PCDHA5: variants seen among roughly 807,000 people sequenced by gnomAD.
PCDHA5 encodes the protein protocadherin alpha 5.
Under a neutral mutation model 61.6 loss-of-function variants are expected in PCDHA5, and 43 were observed. The observed-to-expected ratio is 0.70, with a 90% CI of 0.55 to 0.90. The LOEUF is 0.90. Among genes scored for constraint, PCDHA5 ranks in the 40% least tolerant of loss-of-function variants. PCDHA5 has a pLI of 0.00. For missense variants in PCDHA5, 1,298 were observed against 1,222.7 expected, an observed-to-expected ratio of 1.06 and a Z score of -0.92; for synonymous variants, 627 against 543.9, an observed-to-expected ratio of 1.15 and a Z score of -2.13.
At chr5:140,956,038 A>T in intron 1 of PCDHA5, among the ~76,000 whole-genome samples, 1 of 152,182 alleles carries the variant, frequency 6.6e-6, no homozygotes, top group South Asian at 2.1e-4. Flanking sequence ...CAGCTTAAGA[A>T]GCTTTTGGGC....
rs2150408598 is a variant in PCDHA5, at chr5:140,848,320, T to A, written c.2352+24193T>A. The A allele has an allele frequency of 6.9e-5, 53 of 763,546 alleles. 1 individual carries two copies. The highest frequency in any genetic ancestry group is 1.0e-4 in the Non-Finnish European group (48 of 466,870). 47.3% of individuals were successfully genotyped at this position (763,546 alleles called of 1,614,324 possible). A position where few individuals can be genotyped will look rare whatever the true frequency, so the allele number is the denominator to read the frequency against. ...CGTGATGTCACTCTTTGCCGCGATG[T>A]TCTCTCTGAATCCAGACAAATACAG... is the stretch of plus-strand genomic sequence containing the variant. On this transcript the variant is annotated intron_variant, in intron 1 of 3. Transcript: ENST00000529859.
chr5:140,874,607 T>C (rs534439802), intron 1 of PCDHA5, among the ~76,000 whole-genome samples: 1 of 152,226 alleles, frequency 6.6e-6, no homozygotes, highest in Non-Finnish European at 1.5e-5. Context: ...TTTGGAGGCT[T>C]CAACTAAACA....
At chr5:140,895,292 C>A (rs1032250917) in intron 1 of PCDHA5, among the ~76,000 whole-genome samples, 2 of 152,044 alleles carry the variant, frequency 1.3e-5, no homozygotes. Context: ...TTAGGACCTT[C>A]GATTTCCCCC....
chr5:140,928,570 C>G, intron 1 of PCDHA5: 1 of 1,614,196 alleles, frequency 6.2e-7, no homozygotes, highest in Non-Finnish European at 8.5e-7. Flanking sequence ...GTTTCCCTTG[C>G]CCAGAAATGG....
At position 141,009,636 on chromosome 5, in the gene PCDHA5, C is replaced by T. The variant is rs782321757; in HGVS notation, c.2510C>T (p.Ala837Val). ...ATGTTTTGTCTTTCAGAACCAGAGG[C>T]AGGAGAAGTGTCCCCTCCAGTCGGT... ...TVSSATPEPE[A>V]GEVSPPVGAG... Residue 837 changes from alanine (A) to valine (V), a missense_variant, in exon 4 of 4, where the codon GCA becomes GTA. Physicochemically the swap from Ala to Val is moderately conservative, Grantham distance 64. Transcript: ENST00000529859. 3.7e-6 allele frequency: 6 copies of T among 1,613,192 alleles called. No homozygotes were observed. Among genetic ancestry groups the T allele is most frequent in the Non-Finnish European group, 4.2e-6 (5 of 1,179,532 alleles).
chr5:140,836,387 G>A lies in PCDHA5; in HGVS notation c.2352+12260G>A, dbSNP rs1435398883. The A allele has an allele frequency of 6.2e-6, 10 of 1,613,630 alleles. 1 individual carries two copies. The highest frequency in any genetic ancestry group is 7.6e-6 in the Non-Finnish European group (9 of 1,179,846). On this transcript the variant is annotated intron_variant, in intron 1 of 3. Transcript: ENST00000529859. Reference sequence around the variant, plus strand: ...CAGCCACAGCCACCGTGCTGGTGTCGCTGGTGGAAAGCGGCCAGGCACCAA... The same window carrying A: ...CAGCCACAGCCACCGTGCTGGTGTCACTGGTGGAAAGCGGCCAGGCACCAA...
In PCDHA5 at chr5:140,823,940, G is replaced by A; in HGVS notation, c.2165G>A (p.Cys722Tyr). Residue 722 changes from cysteine (C) to tyrosine (Y), a missense_variant, in exon 1 of 4, where the codon TGC becomes TAC. By Grantham distance (194) the Cys-to-Tyr change is radical. Coordinates refer to ENST00000529859, the MANE Select transcript of PCDHA5 (RefSeq NM_018908.3). The part of the protein sequence containing the change: ...LTLLLYTALR[C>Y]SAQPTEAVCT... Reference sequence around the variant, plus strand: ...CTGCTGCTGTACACCGCGCTGCGGTGCTCGGCGCAGCCCACCGAGGCCGTG... The same window carrying A: ...CTGCTGCTGTACACCGCGCTGCGGTACTCGGCGCAGCCCACCGAGGCCGTG... The A allele has an allele frequency of 6.2e-7, 1 of 1,613,966 alleles. No homozygotes were observed. Among genetic ancestry groups the A allele is most frequent in the South Asian group, 1.1e-5 (1 of 91,052 alleles).
chr5:141,008,597 C>T (rs1485271666), intron 3 of PCDHA5, among the ~76,000 whole-genome samples: 1 of 152,224 alleles, frequency 6.6e-6, no homozygotes, highest in East Asian at 1.9e-4. Flanking sequence ...GATTTCACCT[C>T]CTCTGGAACC....
At chr5:141,002,550 G>A (rs1458455103) in intron 3 of PCDHA5, among the ~76,000 whole-genome samples, 1 of 152,186 alleles carries the variant, frequency 6.6e-6, no homozygotes, top group African/African-American at 2.4e-5. Context: ...TGAGTCCCAG[G>A]ATCCACCAGT....
rs547873702 is a variant in PCDHA5 at position 140,879,516 on chromosome 5, T to C, written c.2352+55389T>C. 3.3e-5 allele frequency among the ~76,000 whole-genome samples: 5 copies of C among 152,322 alleles called. No homozygotes were observed. The East Asian group carries it at 7.7e-4, about 23-fold the overall frequency. On this transcript the variant is annotated intron_variant, in intron 1 of 3. Transcript: ENST00000529859. The stretch of plus-strand genomic sequence containing the variant: ...TGGATCTCAGAAGAGATTATTGATA[T>C]AGATTTTGGGAACAACTCCTTTAGA...
At chr5:140,851,088 A>G in intron 1 of PCDHA5, 2 of 1,298,258 alleles carry the variant, frequency 1.5e-6, no homozygotes, top group Non-Finnish European at 2.0e-6. Flanking sequence ...TGTATATTAA[A>G]TAGATATTTT....
At chr5:140,921,060 A>T (rs543644748) in intron 1 of PCDHA5, among the ~76,000 whole-genome samples, 11 of 152,040 alleles carry the variant, frequency 7.2e-5, no homozygotes, top group African/African-American at 2.7e-4. Flanking sequence ...GCTCACTCTA[A>T]CCTTGAACTC....
chr5:140,870,658 C>G, intron 1 of PCDHA5: 3 of 1,612,534 alleles, frequency 1.9e-6, no homozygotes, highest in Non-Finnish European at 2.5e-6. Context: ...GGTGTACGCG[C>G]TGCAGCCGTT....
At chr5:140,877,258 G>A in intron 1 of PCDHA5, 1 of 1,613,780 alleles carries the variant, frequency 6.2e-7, no homozygotes, top group South Asian at 1.1e-5. Flanking sequence ...GAAAGTGCGC[G>A]CGGTGGACGC....
rs781878255 is a variant in PCDHA5 at position 140,856,536 on chromosome 5, A to G, written c.2352+32409A>G. 8.1e-6 allele frequency: 13 copies of G among 1,598,388 alleles called. 1 individual carries two copies. The East Asian group carries it at 2.2e-4, about 27-fold the overall frequency. ...GGCGCATCTGATGCGGATGTTGGAG[A>G]GAACGCATTGCTTACTTACAAACTC... is the stretch of plus-strand genomic sequence containing the variant. On this transcript the variant is annotated intron_variant, in intron 1 of 3. Transcript: ENST00000529859.
At chr5:140,831,283 T>A (rs1771463407) in intron 1 of PCDHA5, 3 of 152,224 alleles carry the variant, frequency 2.0e-5, no homozygotes, top group Admixed American at 1.3e-4. Flanking sequence ...GGTCTTCTCT[T>A]CATGGAGTCT....
chr5:140,935,405 A>G (rs1554210493), intron 1 of PCDHA5, among the ~76,000 whole-genome samples: 1 of 152,248 alleles, frequency 6.6e-6, no homozygotes, highest in Non-Finnish European at 1.5e-5. Context: ...GGACTCAAAC[A>G]ATGGACTTAG....
rs1161459762 is a variant in PCDHA5, at chr5:140,884,196, C to A, written c.2352+60069C>A. 1.9e-6 allele frequency: 3 copies of A among 1,613,298 alleles called. No homozygotes were observed. The African/African-American group carries it at 4.0e-5, about 22-fold the overall frequency. On this transcript the variant is annotated intron_variant, in intron 1 of 3. Coordinates refer to ENST00000529859, the MANE Select transcript of PCDHA5 (RefSeq NM_018908.3). ...CGCCCTCTGGACGAGGTGGACGCGCCGCACCACCGCCTTCTGGTGCTGGTG... is the reference window on the plus strand; with the variant it reads ...CGCCCTCTGGACGAGGTGGACGCGCAGCACCACCGCCTTCTGGTGCTGGTG...
chr5:140,970,647 T>C lies in PCDHA5; in HGVS notation c.2353-8302T>C, dbSNP rs529255517. Among the ~76,000 whole-genome samples, 9 of 152,352 alleles carry C rather than the reference T, an allele frequency of 5.9e-5. No homozygotes were observed. The South Asian group carries it at 1.9e-3, about 32-fold the overall frequency. On this transcript the variant is annotated intron_variant, in intron 1 of 3. Coordinates refer to ENST00000529859, the MANE Select transcript of PCDHA5 (RefSeq NM_018908.3). ...CAAAATTTTGTACCATAAATAGTGA[T>C]GAATTGTTATCTTTCCAAATAACTA...
Sources: gnomAD v4.1 joint callset for allele counts (sites outside exome capture counted in the v4.1 genomes callset) on GRCh38, gnomAD v4.1.1 for gene constraint, MANE v1.5 for transcripts, NCBI Gene and HGNC (gene_info 2026-07-23, HGNC 2026-07-21) for gene names.